MN1: variants seen among roughly 807,000 people sequenced by gnomAD.
The protein encoded by MN1 is transcriptional activator MN1.
A neutral mutation model predicts 86.9 loss-of-function variants in MN1; 19 were observed. That is an observed-to-expected ratio of 0.22 (90% CI 0.15 to 0.32). The LOEUF (loss-of-function observed/expected upper bound fraction) is 0.32, where lower values mean the gene tolerates loss of function less well. Ranked by LOEUF, MN1 falls within the 10% of genes least tolerant of loss-of-function variation. MN1 has a pLI of 1.00. For missense variants in MN1, 1,841 were observed against 1,862.0 expected (o/e 0.99, Z 0.21); for synonymous variants, 928 against 849.6 (o/e 1.09, Z -1.60).
intron 1 of MN1, among the ~76,000 whole-genome samples, chr22:27,754,668 G>A (rs975790911): frequency 5.3e-5 from 8 of 152,186 alleles, no homozygotes; most frequent in Non-Finnish European, 8.8e-5. Flanking sequence ...CTGCCGAGTC[G>A]CTGCCGATAA....
chr22:27,783,711 C>T (rs1371986432), intron 1 of MN1, among the ~76,000 whole-genome samples: 1 of 152,192 alleles, frequency 6.6e-6, no homozygotes, highest in Non-Finnish European at 1.5e-5. Flanking sequence ...AAGGTCTTTC[C>T]CATTCTAGAA....
chr22:27,770,683 G>C (rs1399402111), intron 1 of MN1, among the ~76,000 whole-genome samples: 3 of 143,800 alleles, frequency 2.1e-5, no homozygotes, highest in Non-Finnish European at 4.4e-5. Context: ...TTTAGAGACA[G>C]GTTCTCACCT....
intron 1 of MN1, among the ~76,000 whole-genome samples, chr22:27,771,402 T>C (rs1044935816): frequency 3.3e-5 from 5 of 151,720 alleles, no homozygotes; most frequent in Admixed American, 2.6e-4. Flanking sequence ...TAATTTTTTA[T>C]AGAGGTTGGT....
In MN1 at chr22:27,800,751, G is replaced by T; in HGVS notation, c.-208C>A. 1.6e-6 allele frequency: 1 copy of T among 635,220 alleles called. No individual in the cohort carries two copies. The highest frequency in any genetic ancestry group is 1.8e-5 in the African/African-American group (1 of 54,330). The allele number at this position is 635,220 out of a possible 1,614,324, so 39.3% of individuals were successfully genotyped here. On this transcript the variant is annotated 5_prime_UTR_variant, in exon 1 of 2. Coordinates refer to ENST00000302326, the MANE Select transcript of MN1 (RefSeq NM_002430.3). ...TCCTGAAGCTCCGATTCTGCCCGGG[G>T]AGGGCCTCTCACATCTTGCGAGGCC...
chr22:27,789,113 G>A (rs1209076157), intron 1 of MN1, among the ~76,000 whole-genome samples: 1 of 152,198 alleles, frequency 6.6e-6, no homozygotes, highest in African/African-American at 2.4e-5. Flanking sequence ...CAGCACCAAA[G>A]TTAGTCCACG....
chr22:27,760,172 C>A (rs1932825311), intron 1 of MN1, among the ~76,000 whole-genome samples: 1 of 152,074 alleles, frequency 6.6e-6, no homozygotes, highest in Non-Finnish European at 1.5e-5. Context: ...CAACATGGTC[C>A]CATCTCTACT....
intron 1 of MN1, among the ~76,000 whole-genome samples, chr22:27,776,947 C>G (rs1368624685): frequency 6.6e-6 from 1 of 152,154 alleles, no homozygotes; most frequent in Non-Finnish European, 1.5e-5. Context: ...GAGCAAACAC[C>G]TGGGGAACCA....
chr22:27,776,289 G>A (rs998532372), intron 1 of MN1, among the ~76,000 whole-genome samples: 5 of 152,180 alleles, frequency 3.3e-5, no homozygotes, highest in East Asian at 1.9e-4. Context: ...GCTCAATCCC[G>A]TCTCGAGGAC....
At chr22:27,757,085 C>T (rs983456849) in intron 1 of MN1, among the ~76,000 whole-genome samples, 1 of 151,608 alleles carries the variant, frequency 6.6e-6, no homozygotes, top group Non-Finnish European at 1.5e-5. Flanking sequence ...AATCCCCTAA[C>T]CTGGTACTAC....
At position 27,797,292 on chromosome 22, in the gene MN1, G is replaced by A. The variant is rs752169992; in HGVS notation, c.3252C>T (p.Leu1084=). 1 of 1,597,754 alleles carries A rather than the reference G, an allele frequency of 6.3e-7. No homozygotes were observed. Among genetic ancestry groups the A allele is most frequent in the South Asian group, 1.1e-5 (1 of 90,650 alleles). The change falls in exon 1 of 2, where the codon CTC becomes CTT. Residue 1084 remains leucine, a synonymous_variant. Transcript: ENST00000302326. ...RSPLVTGSPK[L]PPRGVGAGEH... ...CCCCGGCGCCTACCCCACGGGGAGG[G>A]AGTTTGGGCGAGCCGGTCACCAGGG...
At position 27,800,476 on chromosome 22, in the gene MN1, A is replaced by C. The variant is rs780470201; in HGVS notation, c.68T>G (p.Phe23Cys). ...SRNAGQGERN[F>C]NETGLSMNTH... ...GTTCATGCTCAGTCCGGTCTCGTTA[A>C]AGTTCCTCTCGCCCTGGCCAGCGTT... The change falls in exon 1 of 2, where the codon TTT becomes TGT. Residue 23 changes from phenylalanine (F) to cysteine (C), a missense_variant. Coordinates refer to ENST00000302326, the MANE Select transcript of MN1 (RefSeq NM_002430.3). 6.2e-7 allele frequency: 1 copy of C among 1,614,186 alleles called. No homozygotes were observed. The highest frequency in any genetic ancestry group is 8.5e-7 in the Non-Finnish European group (1 of 1,180,024).
At chr22:27,760,347 A>G (rs1387285312) in intron 1 of MN1, among the ~76,000 whole-genome samples, 1 of 151,886 alleles carries the variant, frequency 6.6e-6, no homozygotes, top group Non-Finnish European at 1.5e-5. Flanking sequence ...TCCGTCTCAA[A>G]GAAAAAAAAA....
chr22:27,760,381 T>C (rs1422455875), intron 1 of MN1, among the ~76,000 whole-genome samples: 1 of 151,840 alleles, frequency 6.6e-6, no homozygotes, highest in African/African-American at 2.4e-5. Flanking sequence ...TGGTGGTGCA[T>C]GCTGGTAGTC....
At chr22:27,770,552 T>A (rs1932905699) in intron 1 of MN1, among the ~76,000 whole-genome samples, 1 of 152,170 alleles carries the variant, frequency 6.6e-6, no homozygotes, top group Non-Finnish European at 1.5e-5. Context: ...GAAGTAATAG[T>A]CCTGACTTGA....
intron 1 of MN1, among the ~76,000 whole-genome samples, chr22:27,771,462 G>A (rs892546753): frequency 2.0e-5 from 3 of 151,776 alleles, no homozygotes; most frequent in Non-Finnish European, 2.9e-5. Flanking sequence ...CCTGTCCTCA[G>A]GCAATCCTCC....
In MN1 at chr22:27,796,753, G is replaced by A. The variant is rs757507271; in HGVS notation, c.3781+10C>T. On this transcript the variant is annotated intron_variant, in intron 1 of 1. Transcript: ENST00000302326. ...CCCGGGAAGTGAGAGGAAAACGAGTGTGCATATACCTTCTTTGCTGTTGGG... is the reference window on the plus strand; with the variant it reads ...CCCGGGAAGTGAGAGGAAAACGAGTATGCATATACCTTCTTTGCTGTTGGG... The A allele has an allele frequency of 2.5e-6, 4 of 1,581,932 alleles. No individual in the cohort carries two copies. Among genetic ancestry groups the A allele is most frequent in the South Asian group, 1.1e-5 (1 of 89,264 alleles).
intron 1 of MN1, among the ~76,000 whole-genome samples, chr22:27,793,040 A>G (rs925807697): frequency 2.0e-5 from 3 of 152,220 alleles, no homozygotes; most frequent in Admixed American, 6.5e-5. Flanking sequence ...CTGTAAAAAT[A>G]TCATACTTCC....
chr22:27,770,575 C>A lies in MN1; in HGVS notation c.3782-19479G>T, dbSNP rs189102127. ...AGTCCTGACTTGATCAAAGAACACA[C>A]GAAGAGTTTACAGATACAAGCATAA... is the stretch of plus-strand genomic sequence containing the variant. On this transcript the variant is annotated intron_variant, in intron 1 of 1. Coordinates refer to ENST00000302326, the MANE Select transcript of MN1 (RefSeq NM_002430.3). 9.9e-5 allele frequency among the ~76,000 whole-genome samples: 15 copies of A among 152,266 alleles called. No individual in the cohort carries two copies. The East Asian group carries it at 2.9e-3, about 29-fold the overall frequency.
chr22:27,796,851 A>T lies in MN1; in HGVS notation c.3693T>A (p.Ala1231=). 1 of 1,613,018 alleles carries T rather than the reference A, an allele frequency of 6.2e-7. No individual in the cohort carries two copies. The highest frequency in any genetic ancestry group is 2.2e-5 in the East Asian group (1 of 44,866). Residue 1231 remains alanine (A), a synonymous_variant, in exon 1 of 2, where the codon GCT becomes GCA. Coordinates refer to ENST00000302326, the MANE Select transcript of MN1 (RefSeq NM_002430.3). The stretch of plus-strand genomic sequence containing the variant: ...CCGCGCTGTCCACCAGGGCCTTGTC[A>T]GCGGGCATGTACCAGGCAGCGCTGT... ...AEHSAAWYMP[A]DKALVDSADD...
Sources: gnomAD v4.1 joint callset for allele counts (sites outside exome capture counted in the v4.1 genomes callset) on GRCh38, gnomAD v4.1.1 for gene constraint, MANE v1.5 for transcripts, NCBI Gene and HGNC (gene_info 2026-07-23, HGNC 2026-07-21) for gene names.